Variants in UNC80 observed in about 807,000 individuals in gnomAD.
UNC80 encodes the protein protein unc-80 homolog.
A neutral mutation model predicts 384.6 loss-of-function variants in UNC80; 164 were observed. The observed-to-expected ratio is 0.43, with a 90% CI of 0.38 to 0.49. The LOEUF (loss-of-function observed/expected upper bound fraction) is 0.49, where lower values mean the gene tolerates loss of function less well. Among genes scored for constraint, UNC80 ranks in the 20% least tolerant of loss-of-function variants. The pLI, the probability that UNC80 is intolerant of heterozygous loss-of-function variation, is 0.00. For missense variants in UNC80, 3,330 were observed against 4,143.0 expected, an observed-to-expected ratio of 0.80 and a Z score of 5.39; for synonymous variants, 1,486 against 1,527.8, an observed-to-expected ratio of 0.97 and a Z score of 0.64.
At chr2:209,777,911 A>G (rs2076954073) in intron 4 of UNC80, among the ~76,000 whole-genome samples, 1 of 152,184 alleles carries the variant, frequency 6.6e-6, no homozygotes, top group African/African-American at 2.4e-5. Flanking sequence ...ATTTGAAACC[A>G]TGACAGCCAT....
At chr2:209,932,222 C>A (rs1482137831) in intron 38 of UNC80, among the ~76,000 whole-genome samples, 1 of 152,142 alleles carries the variant, frequency 6.6e-6, no homozygotes, top group African/African-American at 2.4e-5. Flanking sequence ...CCATGAGTCC[C>A]ATAGGGCTCT....
At chr2:209,773,582 C>T (rs1455687792) in intron 2 of UNC80, among the ~76,000 whole-genome samples, 1 of 152,124 alleles carries the variant, frequency 6.6e-6, no homozygotes, top group Non-Finnish European at 1.5e-5. Flanking sequence ...AAATTAGCAC[C>T]TACTGGGGAA....
At chr2:209,937,034 T>C (rs1014727655) in intron 41 of UNC80, 101 bp downstream of exon 41, 1 of 773,868 alleles carries the variant, frequency 1.3e-6, no homozygotes, top group Admixed American at 2.4e-5. Flanking sequence ...GTTTAGAAGG[T>C]AATAGTATGG....
chr2:209,986,854 T>C (rs1400886223), intron 61 of UNC80, among the ~76,000 whole-genome samples: 1 of 152,216 alleles, frequency 6.6e-6, no homozygotes, highest in East Asian at 1.9e-4. Flanking sequence ...AGAGGAACTT[T>C]TGGCATTTAC....
In UNC80 at chr2:209,775,964, T is replaced by C; in HGVS notation, c.217T>C (p.Ser73Pro). The C allele has an allele frequency of 6.2e-7, 1 of 1,614,182 alleles. No homozygotes were observed. Among genetic ancestry groups the C allele is most frequent in the Non-Finnish European group, 8.5e-7 (1 of 1,180,030 alleles). Reference protein sequence around the residue: ...PALSEAIQSISRWELVQAALP... With the variant: ...PALSEAIQSIPRWELVQAALP... ...TCTCTCTGAAGCCATCCAGAGCATT[T>C]CCAGATGGGAACTGGTGCAAGCTGC... is the stretch of plus-strand genomic sequence containing the variant. Residue 73 changes from serine to proline, a missense_variant, in exon 3 of 65, where the codon TCC becomes CCC. Physicochemically the swap from Ser to Pro is moderately conservative, Grantham distance 74 (BLOSUM62 -1). This residue lies in a region of UNC80 where 86 missense variants were observed against 141.5 expected (regional missense o/e 0.61). Coordinates refer to ENST00000673920, the MANE Select transcript of UNC80 (RefSeq NM_001371986.1).
intron 26 of UNC80, among the ~76,000 whole-genome samples, chr2:209,889,119 A>G (rs2086100032): frequency 2.6e-5 from 4 of 152,200 alleles, no homozygotes; most frequent in Admixed American, 2.6e-4. Flanking sequence ...TAACCATGGA[A>G]TAGACCAGAT....
chr2:209,867,889 T>C (rs2083969237), intron 22 of UNC80, among the ~76,000 whole-genome samples: 1 of 152,234 alleles, frequency 6.6e-6, no homozygotes, highest in Non-Finnish European at 1.5e-5. Flanking sequence ...TCAGGTGTTC[T>C]AAATCAAATG....
At chr2:209,993,563 C>A (rs1473610682) in intron 63 of UNC80, 137 bp downstream of exon 63, 2 of 659,826 alleles carry the variant, frequency 3.0e-6, no homozygotes, top group Admixed American at 3.1e-5. Flanking sequence ...AGGAGTTTCC[C>A]AGAAAACTGT....
At chr2:209,908,231 T>G (rs1201535957) in intron 29 of UNC80, among the ~76,000 whole-genome samples, 1 of 152,212 alleles carries the variant, frequency 6.6e-6, no homozygotes, top group Admixed American at 6.5e-5. Flanking sequence ...AAATCGTGTC[T>G]TATGAGCAAT....
At chr2:209,985,866 G>C (rs2093276307) in intron 61 of UNC80, among the ~76,000 whole-genome samples, 1 of 152,126 alleles carries the variant, frequency 6.6e-6, no homozygotes, top group African/African-American at 2.4e-5. Context: ...GTGAAAGGTT[G>C]TCTTTTGTTT....
intron 7 of UNC80, among the ~76,000 whole-genome samples, chr2:209,812,983 TTTTA>T (rs1483581665): frequency 3.9e-5 from 6 of 152,216 alleles, no homozygotes; most frequent in African/African-American, 1.4e-4. Context: ...TTCAAACTTA[TTTTA>T]TTTATTTTCC....
intron 33 of UNC80, among the ~76,000 whole-genome samples, chr2:209,920,154 A>G (rs2089920393): frequency 6.6e-6 from 1 of 152,100 alleles, no homozygotes; most frequent in Non-Finnish European, 1.5e-5. Flanking sequence ...GGGTGACAAG[A>G]GCGAAACTCC....
chr2:209,910,278 AC>A (rs2088765742), intron 29 of UNC80, among the ~76,000 whole-genome samples: 1 of 151,656 alleles, frequency 6.6e-6, no homozygotes, highest in African/African-American at 2.4e-5. Flanking sequence ...TCTTCAAAGG[AC>A]CACTAGTAGA....
chr2:209,782,782 G>T (rs376499027), intron 4 of UNC80, among the ~76,000 whole-genome samples: 10 of 151,890 alleles, frequency 6.6e-5, no homozygotes, highest in Non-Finnish European at 1.3e-4. Context: ...TGAAAATCCT[G>T]TTTAATATAT....
intron 34 of UNC80, 62 bp from the exon 35 acceptor site, chr2:209,922,190 T>C: frequency 3.9e-6 from 6 of 1,531,274 alleles, no homozygotes; most frequent in Non-Finnish European, 5.3e-6. Flanking sequence ...ACAACAACAA[T>C]GTGATAATAA....
chr2:209,818,015 C>T, intron 11 of UNC80, 63 bp downstream of exon 11: 1 of 1,511,218 alleles, frequency 6.6e-7, no homozygotes, highest in Non-Finnish European at 8.9e-7. Flanking sequence ...TCTGTCCTTA[C>T]ACCATGTTAC....
At chr2:209,904,471 T>C (rs953264041) in intron 28 of UNC80, among the ~76,000 whole-genome samples, 2 of 152,204 alleles carry the variant, frequency 1.3e-5, no homozygotes, top group Non-Finnish European at 2.9e-5. Context: ...AGAATCTCCA[T>C]TTGAGAATAT....
chr2:209,906,855 A>C (rs931291096), intron 29 of UNC80, among the ~76,000 whole-genome samples: 33 of 152,202 alleles, frequency 2.2e-4, no homozygotes, highest in African/African-American at 7.5e-4. Flanking sequence ...CTTACTATAA[A>C]AACTCCCTTA....
chr2:209,888,269 AC>A lies in UNC80; in HGVS notation c.4276+10del. On this transcript the variant is annotated intron_variant, in intron 26 of 64. Transcript: ENST00000673920. ...AGTCGAGGAGAAGAAAGGTATGGAA[AC>A]ACAAAGGTTCCTTCATGTTTCAGGG... The A allele has an allele frequency of 6.4e-7, 1 of 1,551,410 alleles. No individual in the cohort carries two copies. The highest frequency in any genetic ancestry group is 8.7e-7 in the Non-Finnish European group (1 of 1,146,784).
Sources: allele counts gnomAD v4.1 joint callset (sites outside exome capture counted in the v4.1 genomes callset), GRCh38; gene constraint gnomAD v4.1.1; regional missense constraint gnomAD v4.1.1; transcripts MANE v1.5; gene names NCBI Gene and HGNC (gene_info 2026-07-23, HGNC 2026-07-21).